GPR137C: variants seen among roughly 807,000 people sequenced by gnomAD.
The protein encoded by GPR137C is G protein-coupled receptor 137C, also known as integral membrane protein GPR137C.
GPR137C carries 27 observed loss-of-function variants against 43.4 expected under a neutral mutation model. That is an observed-to-expected ratio of 0.62 (90% CI 0.46 to 0.86). The LOEUF is 0.86. Ranked by LOEUF, GPR137C falls within the 40% of genes least tolerant of loss-of-function variation. The pLI is 0.00. For missense variants in GPR137C, 522 were observed against 534.6 expected (o/e 0.98, Z 0.23); for synonymous variants, 285 against 226.9 (o/e 1.26, Z -2.30).
intron 3 of GPR137C, among the ~76,000 whole-genome samples, chr14:52,630,563 T>C (rs904432673): frequency 6.6e-6 from 1 of 152,186 alleles, no homozygotes; most frequent in African/African-American, 2.4e-5. Flanking sequence ...GATGGTAGTG[T>C]GTTAGCTCAA....
At chr14:52,608,334 A>G (rs1420885021) in intron 3 of GPR137C, among the ~76,000 whole-genome samples, 1 of 152,244 alleles carries the variant, frequency 6.6e-6, no homozygotes, top group Non-Finnish European at 1.5e-5. Context: ...CAAGTTACTT[A>G]AGATTGATAA....
chr14:52,558,998 G>A (rs531586714), intron 1 of GPR137C, among the ~76,000 whole-genome samples: 40 of 152,258 alleles, frequency 2.6e-4, no homozygotes, highest in African/African-American at 7.2e-4. Flanking sequence ...AAGAGTTTAC[G>A]CAAATTTATT....
intron 3 of GPR137C, chr14:52,612,064 C>T (rs911841218): frequency 2.0e-6 from 2 of 985,028 alleles, no homozygotes; most frequent in African/African-American, 3.5e-5. Flanking sequence ...TGTCTGTTAA[C>T]TGGTTTTATT....
At chr14:52,588,992 T>C (rs2038746744) in intron 1 of GPR137C, among the ~76,000 whole-genome samples, 1 of 152,152 alleles carries the variant, frequency 6.6e-6, no homozygotes, top group African/African-American at 2.4e-5. Flanking sequence ...TAAGTGTCCA[T>C]TGATTGATGA....
At chr14:52,606,838 CTT>C (rs1238393042) in intron 3 of GPR137C, among the ~76,000 whole-genome samples, 1 of 151,856 alleles carries the variant, frequency 6.6e-6, no homozygotes, top group African/African-American at 2.4e-5. Context: ...CTAATTTTGG[CTT>C]TGGCTTGCTC....
At chr14:52,598,859 T>C (rs771125788) in intron 2 of GPR137C, among the ~76,000 whole-genome samples, 2 of 152,252 alleles carry the variant, frequency 1.3e-5, no homozygotes, top group East Asian at 1.9e-4. Context: ...TTTCAAACTA[T>C]GTAATTACTG....
chr14:52,600,362 G>C (rs1480653374), intron 3 of GPR137C, 21 bp downstream of exon 3: 1 of 1,350,954 alleles, frequency 7.4e-7, no homozygotes, highest in Admixed American at 2.0e-5. Flanking sequence ...TTCTTAAATT[G>C]GCACTTGAAA....
At chr14:52,594,847 T>G (rs1354086929) in intron 1 of GPR137C, among the ~76,000 whole-genome samples, 1 of 152,218 alleles carries the variant, frequency 6.6e-6, no homozygotes, top group Admixed American at 6.5e-5. Flanking sequence ...ATGTGTGAAT[T>G]TGATCCTGTC....
chr14:52,628,661 T>C (rs1437061524), intron 3 of GPR137C, among the ~76,000 whole-genome samples: 1 of 152,120 alleles, frequency 6.6e-6, no homozygotes, highest in African/African-American at 2.4e-5. Context: ...CCAGGTGTGG[T>C]GGCAGGCACC....
In GPR137C at chr14:52,632,321, C is replaced by T. The variant is rs1359839642; in HGVS notation, c.867+12C>T. ...ATCTTTCAGATAAGGTAAATACCTACCACGTATTGCCAGTCTAACAATGTG... is the reference window on the plus strand; with the variant it reads ...ATCTTTCAGATAAGGTAAATACCTATCACGTATTGCCAGTCTAACAATGTG... On this transcript the variant is annotated intron_variant, in intron 4 of 6. Coordinates refer to ENST00000321662, the MANE Select transcript of GPR137C (RefSeq NM_001099652.2). 5.1e-6 allele frequency: 8 copies of T among 1,578,584 alleles called. No individual in the cohort carries two copies. The highest frequency in any genetic ancestry group is 6.9e-6 in the Non-Finnish European group (8 of 1,155,242).
intron 1 of GPR137C, among the ~76,000 whole-genome samples, chr14:52,558,899 A>G (rs2038236216): frequency 1.3e-5 from 2 of 152,218 alleles, no homozygotes; most frequent in East Asian, 3.8e-4. Context: ...GGAAGATACA[A>G]CCAATGGGTG....
At chr14:52,625,201 G>A (rs1357058630) in intron 3 of GPR137C, among the ~76,000 whole-genome samples, 1 of 152,044 alleles carries the variant, frequency 6.6e-6, no homozygotes, top group Non-Finnish European at 1.5e-5. Context: ...ATAGAGGAGG[G>A]GGCTGGACAC....
intron 3 of GPR137C, among the ~76,000 whole-genome samples, chr14:52,616,266 C>T (rs545266195): frequency 6.6e-6 from 1 of 152,016 alleles, no homozygotes; most frequent in East Asian, 1.9e-4. Flanking sequence ...GCCTAAAATT[C>T]ACACATATGT....
intron 3 of GPR137C, among the ~76,000 whole-genome samples, chr14:52,615,842 A>G (rs1447631188): frequency 5.3e-5 from 8 of 152,258 alleles, no homozygotes; most frequent in African/African-American, 1.4e-4. Flanking sequence ...ATTTGTATTT[A>G]TTAAGCAACT....
intron 1 of GPR137C, among the ~76,000 whole-genome samples, chr14:52,573,374 T>G (rs1386290270): frequency 6.6e-6 from 1 of 151,986 alleles, no homozygotes; most frequent in Non-Finnish European, 1.5e-5. Flanking sequence ...CCAAAACAGA[T>G]ATATAGACCA....
intron 1 of GPR137C, among the ~76,000 whole-genome samples, chr14:52,560,713 A>G (rs1213453762): frequency 6.6e-6 from 1 of 152,202 alleles, no homozygotes; most frequent in East Asian, 1.9e-4. Flanking sequence ...TATGGGAAAA[A>G]TGAACATTGA....
intron 3 of GPR137C, chr14:52,612,600 C>CTCT: frequency 5.1e-6 from 4 of 784,026 alleles, no homozygotes; most frequent in Non-Finnish European, 6.2e-6. Context: ...CTCACTGTGT[C>CTCT]ACCCAGGCTG....
intron 3 of GPR137C, among the ~76,000 whole-genome samples, chr14:52,627,449 G>C (rs1445803950): frequency 6.6e-6 from 1 of 152,084 alleles, no homozygotes; most frequent in Non-Finnish European, 1.5e-5. Context: ...TCACCAAGTG[G>C]TATACAGCTT....
chr14:52,560,082 A>G (rs1367625240), intron 1 of GPR137C, among the ~76,000 whole-genome samples: 1 of 152,156 alleles, frequency 6.6e-6, no homozygotes, highest in East Asian at 1.9e-4. Context: ...ACTTGAGTCC[A>G]GGAGATAGAG....
Sources: gnomAD v4.1 joint callset for allele counts (sites outside exome capture counted in the v4.1 genomes callset) on GRCh38, gnomAD v4.1.1 for gene constraint, MANE v1.5 for transcripts, NCBI Gene and HGNC (gene_info 2026-07-23, HGNC 2026-07-21) for gene names.